The following ME1 variants were observed in gnomAD, a reference collection of about 807,000 sequenced individuals.
ME1 encodes malic enzyme 1.
A neutral mutation model predicts 66.4 loss-of-function variants in ME1; 74 were observed. The observed-to-expected ratio is 1.11, with a 90% CI of 0.92 to 1.35. The LOEUF is 1.35. Ranked by LOEUF, ME1 falls within the 40% of genes most tolerant of loss-of-function variation. The pLI is 0.00. For missense variants in ME1, 750 were observed against 694.1 expected, an observed-to-expected ratio of 1.08 and a Z score of -0.90; for synonymous variants, 251 against 235.6, an observed-to-expected ratio of 1.07 and a Z score of -0.60.
Position 83,319,118 on chromosome 6 carries a change from A to T in ME1, c.601-3705T>A, listed in dbSNP as rs1303363333. 2.0e-5 allele frequency among the ~76,000 whole-genome samples: 3 copies of T among 147,614 alleles called. No individual in the cohort carries two copies. In the East Asian group the frequency reaches 6.2e-4, roughly 30 times the overall value. ...AACTGAACAATGAGAACACATGGAC[A>T]CAGGAAGGGGAACATCACACTCTGG... is the stretch of plus-strand genomic sequence containing the variant. On this transcript the variant is annotated intron_variant, in intron 5 of 13. Coordinates refer to ENST00000369705, the MANE Select transcript of ME1 (RefSeq NM_002395.6).
chr6:83,228,626 T>TA (rs1462691568), intron 10 of ME1, among the ~76,000 whole-genome samples, 200 bp downstream of exon 10: 1 of 152,184 alleles, frequency 6.6e-6, no homozygotes, highest in Non-Finnish European at 1.5e-5. Flanking sequence ...GAGGGGGCCA[T>TA]ACGCTTCATC....
At chr6:83,420,020 G>T (rs1332570740) in intron 1 of ME1, among the ~76,000 whole-genome samples, 1 of 152,234 alleles carries the variant, frequency 6.6e-6, no homozygotes, top group East Asian at 1.9e-4. Flanking sequence ...AGGCCTTCTT[G>T]TAATTCTCTC....
At chr6:83,229,405 TTA>T (rs1246934316) in intron 9 of ME1, among the ~76,000 whole-genome samples, 1 of 152,216 alleles carries the variant, frequency 6.6e-6, no homozygotes, top group African/African-American at 2.4e-5. Flanking sequence ...AGTATGCATT[TTA>T]TATGTTTTTG....
intron 9 of ME1, among the ~76,000 whole-genome samples, chr6:83,229,534 A>G (rs557155129): frequency 8.5e-4 from 130 of 152,280 alleles, no homozygotes; most frequent in Non-Finnish European, 1.2e-3. Flanking sequence ...CTAATTTTAT[A>G]TGGTACTTGA....
chr6:83,273,647 A>T (rs1281806215), intron 6 of ME1, among the ~76,000 whole-genome samples: 1 of 152,230 alleles, frequency 6.6e-6, no homozygotes, highest in Non-Finnish European at 1.5e-5. Context: ...AAATATAATT[A>T]TACTAATAGA....
At chr6:83,225,808 T>TTA (rs57577563) in intron 11 of ME1, among the ~76,000 whole-genome samples, 34,069 of 137,494 alleles carry the variant, frequency 0.25, 4,164 homozygotes, top group Middle Eastern at 0.31. Flanking sequence ...GCCTGTAACA[T>TTA]TATATATATA....
At chr6:83,285,390 G>A (rs1767377360) in intron 6 of ME1, among the ~76,000 whole-genome samples, 1 of 151,980 alleles carries the variant, frequency 6.6e-6, no homozygotes, top group Non-Finnish European at 1.5e-5. Context: ...CAGACTCTGG[G>A]GATATTGCAG....
intron 6 of ME1, among the ~76,000 whole-genome samples, chr6:83,299,535 G>A (rs184317599): frequency 2.9e-4 from 44 of 152,246 alleles, no homozygotes; most frequent in African/African-American, 8.7e-4. Flanking sequence ...ATAGGATTAC[G>A]TTGTTTGCAA....
intron 7 of ME1, among the ~76,000 whole-genome samples, chr6:83,247,959 G>A (rs1790654963): frequency 1.3e-5 from 2 of 152,142 alleles, no homozygotes; most frequent in South Asian, 4.1e-4. Context: ...TGAAAAACTA[G>A]TTATTTAATG....
intron 7 of ME1, among the ~76,000 whole-genome samples, chr6:83,249,968 C>A (rs114591343): frequency 5.9e-5 from 9 of 152,120 alleles, no homozygotes; most frequent in African/African-American, 9.7e-5. Context: ...TTTCTTTGCA[C>A]AAATACAATA....
chr6:83,321,822 C>T (rs902014873), intron 5 of ME1, among the ~76,000 whole-genome samples: 1 of 152,246 alleles, frequency 6.6e-6, no homozygotes, highest in Admixed American at 6.5e-5. Flanking sequence ...ACTGCCTCCT[C>T]AAGTGGGTCC....
chr6:83,370,642 C>G (rs568222469), intron 3 of ME1, among the ~76,000 whole-genome samples: 3 of 152,200 alleles, frequency 2.0e-5, no homozygotes, highest in East Asian at 1.9e-4. Flanking sequence ...AGACTGGTAT[C>G]TCAGGTTTCT....
intron 3 of ME1, among the ~76,000 whole-genome samples, chr6:83,387,361 G>T (rs1010755587): frequency 3.3e-5 from 5 of 151,936 alleles, no homozygotes; most frequent in African/African-American, 1.2e-4. Context: ...CTTTGGGAAG[G>T]TTTCTTTTTA....
chr6:83,230,872 G>T (rs1583330014), intron 9 of ME1, among the ~76,000 whole-genome samples: 1 of 152,108 alleles, frequency 6.6e-6, no homozygotes, highest in Non-Finnish European at 1.5e-5. Context: ...GGCAGAGCTT[G>T]CAGTAAGCCA....
At chr6:83,218,624 G>T (rs1583323822) in intron 12 of ME1, among the ~76,000 whole-genome samples, 1 of 152,328 alleles carries the variant, frequency 6.6e-6, no homozygotes, top group Admixed American at 6.5e-5. Flanking sequence ...CTAGGCTGAA[G>T]CCAGACATCC....
chr6:83,222,252 GA>G (rs1790107967), intron 12 of ME1, among the ~76,000 whole-genome samples: 1 of 152,096 alleles, frequency 6.6e-6, no homozygotes, highest in African/African-American at 2.4e-5. Context: ...CTGAGTTAAA[GA>G]AAACCTGTGA....
chr6:83,261,455 T>A (rs1766887118), intron 6 of ME1, among the ~76,000 whole-genome samples: 1 of 145,734 alleles, frequency 6.9e-6, no homozygotes, highest in Non-Finnish European at 1.5e-5. Flanking sequence ...GGAAAAGCTT[T>A]TAGTTTAATT....
chr6:83,224,734 TAAAA>T (rs2128523546), intron 11 of ME1, among the ~76,000 whole-genome samples: 1 of 147,982 alleles, frequency 6.8e-6, no homozygotes, highest in East Asian at 2.0e-4. Context: ...TAAAATAAAA[TAAAA>T]TAGTTATGTG....
intron 5 of ME1, among the ~76,000 whole-genome samples, chr6:83,327,032 T>C (rs1768306658): frequency 6.6e-6 from 1 of 152,230 alleles, no homozygotes; most frequent in East Asian, 1.9e-4. Context: ...TTCTTATGCC[T>C]GTCTTTACTG....
Sources: allele counts gnomAD v4.1 joint callset (sites outside exome capture counted in the v4.1 genomes callset), GRCh38; gene constraint gnomAD v4.1.1; transcripts MANE v1.5; gene names NCBI Gene and HGNC (gene_info 2026-07-23, HGNC 2026-07-21).